POLQ: variants seen among roughly 807,000 people sequenced by gnomAD.
POLQ encodes epididymis secretory sperm binding protein.
In POLQ, 233 loss-of-function variants were observed where a neutral mutation model predicts 259.2. The ratio of observed to expected loss-of-function variants is 0.90; its 90% CI spans 0.81 to 1.00. The LOEUF (loss-of-function observed/expected upper bound fraction) is 1.00. Ranked by LOEUF, POLQ falls within the 50% of genes least tolerant of loss-of-function variation. The pLI, the probability that POLQ is intolerant of heterozygous loss-of-function variation, is 0.00. For synonymous variants in POLQ, 1,025 were observed against 1,048.8 expected (o/e 0.98, Z 0.44); for missense variants, 2,871 against 3,051.6 (o/e 0.94, Z 1.39).
chr3:121,533,534 T>C (rs2048427165), intron 5 of POLQ, among the ~76,000 whole-genome samples: 1 of 152,144 alleles, frequency 6.6e-6, no homozygotes, highest in Non-Finnish European at 1.5e-5. Flanking sequence ...TCTTTTTTTT[T>C]AGACAGGGTC....
At chr3:121,444,306 T>C (rs1178304468) in intron 26 of POLQ, among the ~76,000 whole-genome samples, 1 of 143,708 alleles carries the variant, frequency 7.0e-6, no homozygotes, top group African/African-American at 2.5e-5. Context: ...TATATAGATC[T>C]TTCACTTCTT....
At chr3:121,518,057 A>G (rs976865512) in intron 9 of POLQ, among the ~76,000 whole-genome samples, 1 of 152,220 alleles carries the variant, frequency 6.6e-6, no homozygotes, top group Non-Finnish European at 1.5e-5. Flanking sequence ...GCTGCCAAGG[A>G]AAACAGATGA....
chr3:121,501,651 G>C (rs1576418991), intron 12 of POLQ, among the ~76,000 whole-genome samples: 1 of 91,948 alleles, frequency 1.1e-5, no homozygotes, highest in Non-Finnish European at 1.9e-5. Flanking sequence ...GACAGAGCGA[G>C]ACTCCGTCTC....
At chr3:121,460,264 G>GTACAAAGT (rs756207967) in intron 24 of POLQ, 30 bp from the exon 25 acceptor site, 5 of 1,547,078 alleles carry the variant, frequency 3.2e-6, no homozygotes, top group Non-Finnish European at 4.5e-6. Context: ...AGAAAAGCTA[G>GTACAAAGT]TACAAAGTTT....
intron 9 of POLQ, among the ~76,000 whole-genome samples, chr3:121,512,642 T>A (rs1188000445): frequency 6.6e-6 from 1 of 152,204 alleles, no homozygotes; most frequent in East Asian, 1.9e-4. Context: ...ACATAAAAAT[T>A]AAAATATTAG....
At chr3:121,540,895 A>AT (rs2048484609) in intron 3 of POLQ, among the ~76,000 whole-genome samples, 1 of 96,028 alleles carries the variant, frequency 1.0e-5, no homozygotes, top group Non-Finnish European at 2.2e-5. Flanking sequence ...AAATTTTTTT[A>AT]ATTTTTTTTT....
At chr3:121,525,859 C>T (rs562484889) in intron 7 of POLQ, among the ~76,000 whole-genome samples, 88 of 152,304 alleles carry the variant, frequency 5.8e-4, no homozygotes, top group Non-Finnish European at 1.2e-3. Context: ...TTGAATTTCT[C>T]CAAGATTCAT....
intron 2 of POLQ, among the ~76,000 whole-genome samples, chr3:121,542,217 G>A (rs1289477787): frequency 6.6e-6 from 1 of 152,020 alleles, no homozygotes; most frequent in African/African-American, 2.4e-5. Context: ...TTATGAGAAG[G>A]TAAGGAAGAA....
At chr3:121,469,308 G>A (rs546459048) in intron 22 of POLQ, among the ~76,000 whole-genome samples, 2 of 151,812 alleles carry the variant, frequency 1.3e-5, no homozygotes, top group East Asian at 3.9e-4. Context: ...CTCCAAAAAA[G>A]TTTGAGAAAT....
At chr3:121,531,403 ACT>A (rs2048411027) in intron 6 of POLQ, among the ~76,000 whole-genome samples, 1 of 152,046 alleles carries the variant, frequency 6.6e-6, no homozygotes, top group Non-Finnish European at 1.5e-5. Context: ...GAGGCCAGAA[ACT>A]CTTGTTGTAT....
At chr3:121,528,156 C>G (rs935468475) in intron 7 of POLQ, among the ~76,000 whole-genome samples, 1 of 152,056 alleles carries the variant, frequency 6.6e-6, no homozygotes, top group Non-Finnish European at 1.5e-5. Context: ...GGGTCTCACT[C>G]TGTCACCTAG....
intron 16 of POLQ, among the ~76,000 whole-genome samples, chr3:121,486,977 T>A (rs986919167): frequency 3.0e-4 from 45 of 151,776 alleles, no homozygotes; most frequent in African/African-American, 1.0e-3. Context: ...TGAGCACTGG[T>A]GATTAATAAA....
At chr3:121,456,971 T>C (rs1156573513) in intron 25 of POLQ, among the ~76,000 whole-genome samples, 1 of 152,172 alleles carries the variant, frequency 6.6e-6, no homozygotes, top group Non-Finnish European at 1.5e-5. Context: ...TCAAGCTACC[T>C]GACTTCAAAC....
At chr3:121,490,777 G>A (rs1476718362) in intron 15 of POLQ, among the ~76,000 whole-genome samples, 1 of 152,142 alleles carries the variant, frequency 6.6e-6, no homozygotes, top group Non-Finnish European at 1.5e-5. Context: ...CATCCGGCCG[G>A]GCGCGGTAGC....
chr3:121,436,168 G>A lies in POLQ; in HGVS notation c.7497C>T (p.Phe2499=). The A allele has an allele frequency of 1.2e-6, 2 of 1,613,942 alleles. No homozygotes were observed. Among genetic ancestry groups the A allele is most frequent in the Non-Finnish European group, 1.7e-6 (2 of 1,179,830 alleles). Residue 2499 remains phenylalanine, a synonymous_variant, in exon 28 of 30, where the codon TTC becomes TTT. Transcript: ENST00000264233. ...TACCCTCTCGATGACCATGGGATTT[G>A]AAGGTTGAGTGGAAGGTCTCTAATT... ...QKQLETFHST[F]KSHGHREGML...
intron 12 of POLQ, among the ~76,000 whole-genome samples, chr3:121,499,421 T>A (rs1328415245): frequency 1.3e-5 from 2 of 152,248 alleles, no homozygotes; most frequent in East Asian, 1.9e-4. Flanking sequence ...GTCTGCCTAA[T>A]TTTTAAATTT....
At chr3:121,515,203 C>T (rs2048286077) in intron 9 of POLQ, among the ~76,000 whole-genome samples, 3 of 152,118 alleles carry the variant, frequency 2.0e-5, no homozygotes, top group African/African-American at 7.2e-5. Flanking sequence ...ATCTCTGTCA[C>T]TCACATAGGA....
At chr3:121,525,795 C>G (rs1052665373) in intron 7 of POLQ, among the ~76,000 whole-genome samples, 1 of 152,158 alleles carries the variant, frequency 6.6e-6, no homozygotes, top group Non-Finnish European at 1.5e-5. Context: ...TGGAAGCACT[C>G]ATTTCCTTCA....
At chr3:121,499,799 A>G (rs1560100875) in intron 12 of POLQ, among the ~76,000 whole-genome samples, 1 of 152,214 alleles carries the variant, frequency 6.6e-6, no homozygotes, top group African/African-American at 2.4e-5. Context: ...AATAAAAAGA[A>G]ATACCTTTGA....
Sources: gnomAD v4.1 joint callset for allele counts (sites outside exome capture counted in the v4.1 genomes callset) on GRCh38, gnomAD v4.1.1 for gene constraint, MANE v1.5 for transcripts, NCBI Gene and HGNC (gene_info 2026-07-23, HGNC 2026-07-21) for gene names.